The following MARCHF1 variants were observed in gnomAD, a reference collection of about 807,000 sequenced individuals.
MARCHF1 encodes the protein membrane associated ring-CH-type finger 1, also known as E3 ubiquitin-protein ligase MARCHF1.
Under a neutral mutation model 54.2 loss-of-function variants are expected in MARCHF1, and 40 were observed. The ratio of observed to expected loss-of-function variants is 0.74; its 90% CI spans 0.57 to 0.96. The LOEUF (loss-of-function observed/expected upper bound fraction) is 0.96, where lower values mean the gene tolerates loss of function less well. Ranked by LOEUF, MARCHF1 falls within the 40% of genes least tolerant of loss-of-function variation. The probability of loss-of-function intolerance (pLI) is 0.00; values close to 1 mark genes in which losing one functional copy is unlikely to be tolerated. For missense variants in MARCHF1, 586 were observed against 656.5 expected (o/e 0.89, Z 1.17); for synonymous variants, 236 against 236.3 (o/e 1.00, Z 0.01).
At chr4:163,889,870 CAATAATA>C (rs768730492) in intron 3 of MARCHF1, among the ~76,000 whole-genome samples, 5 of 149,302 alleles carry the variant, frequency 3.3e-5, no homozygotes, top group Non-Finnish European at 7.4e-5. Context: ...AAAAAAATCT[CAATAATA>C]AATGCACATA....
intron 1 of MARCHF1, among the ~76,000 whole-genome samples, chr4:164,179,630 G>A (rs986422841): frequency 1.3e-5 from 2 of 152,014 alleles, no homozygotes; most frequent in African/African-American, 4.8e-5. Flanking sequence ...TATAGAGGCT[G>A]TAAAGGGCAC....
At chr4:163,734,954 G>T (rs114119443) in intron 4 of MARCHF1, among the ~76,000 whole-genome samples, 2 of 152,178 alleles carry the variant, frequency 1.3e-5, no homozygotes, top group East Asian at 1.9e-4. Context: ...TGAGTTCAAA[G>T]GTTCTACATG....
At chr4:163,720,616 G>C (rs549961289) in intron 4 of MARCHF1, among the ~76,000 whole-genome samples, 7 of 152,226 alleles carry the variant, frequency 4.6e-5, no homozygotes, top group African/African-American at 1.7e-4. Context: ...AATTACCTTG[G>C]GCAGTATGGC....
At chr4:163,979,253 G>A (rs1196213479) in intron 3 of MARCHF1, among the ~76,000 whole-genome samples, 1 of 109,580 alleles carries the variant, frequency 9.1e-6, no homozygotes, top group Non-Finnish European at 1.7e-5. Context: ...TCCCACCTAT[G>A]AGTGAGAATA....
intron 5 of MARCHF1, among the ~76,000 whole-genome samples, chr4:163,677,461 G>A (rs751434464): frequency 2.0e-5 from 3 of 152,116 alleles, no homozygotes; most frequent in Non-Finnish European, 4.4e-5. Flanking sequence ...AGTGTACTGA[G>A]TTTACTGTCC....
chr4:164,137,364 GATA>G (rs1756423953), intron 1 of MARCHF1, among the ~76,000 whole-genome samples: 1 of 152,066 alleles, frequency 6.6e-6, no homozygotes, highest in African/African-American at 2.4e-5. Flanking sequence ...AAATAATTAT[GATA>G]ATATATTTCT....
At position 163,581,562 on chromosome 4, in the gene MARCHF1, C is replaced by T. The variant is rs192951052; in HGVS notation, c.1191+4187G>A. Among the ~76,000 whole-genome samples, 223 of 152,254 alleles carry T rather than the reference C, an allele frequency of 1.5e-3. 1 individual carries two copies. Among genetic ancestry groups the T allele is most frequent in the African/African-American group, 5.0e-3 (209 of 41,550 alleles). ...CAAATAATCAATAACAAGTTTGGGG[C>T]AGTTAACCTGCTATGGTAACTTGTA... On this transcript the variant is annotated intron_variant, in intron 8 of 9. Transcript: ENST00000514618.
chr4:164,074,754 C>T (rs550939597), intron 2 of MARCHF1, among the ~76,000 whole-genome samples: 2 of 151,722 alleles, frequency 1.3e-5, no homozygotes, highest in Non-Finnish European at 2.9e-5. Flanking sequence ...AGTTTTAAAT[C>T]GATCTTTAGT....
chr4:164,376,859 A>G (rs1292678009), intron 1 of MARCHF1, among the ~76,000 whole-genome samples: 2 of 152,346 alleles, frequency 1.3e-5, no homozygotes, highest in African/African-American at 2.4e-5. Flanking sequence ...CAGAGCCAGA[A>G]ACAGATGTGA....
intron 3 of MARCHF1, among the ~76,000 whole-genome samples, chr4:163,926,658 A>T (rs1045492770): frequency 2.0e-5 from 3 of 151,722 alleles, no homozygotes; most frequent in African/African-American, 7.2e-5. Context: ...CAGTAATTTT[A>T]AAAATGTCAT....
rs1738244473 is a variant in MARCHF1, at chr4:163,528,903, G to T, written c.1483C>A (p.Gln495Lys). The T allele has an allele frequency of 6.2e-7, 1 of 1,613,318 alleles. No homozygotes were observed. The highest frequency in any genetic ancestry group is 8.5e-7 in the Non-Finnish European group (1 of 1,179,564). The change falls in exon 10 of 10, where the codon CAA becomes AAA. Residue 495 changes from glutamine (Q) to lysine (K), a missense_variant. By Grantham distance (53) the Gln-to-Lys change is moderately conservative. Transcript: ENST00000514618. Reference sequence around the variant, plus strand: ...TTTTTGGCAGTGTCTGGGCAATTTTGTACAAAGATCACACGGTTGTAGGCC... The same window carrying T: ...TTTTTGGCAGTGTCTGGGCAATTTTTTACAAAGATCACACGGTTGTAGGCC... ...LKAYNRVIFV[Q>K]NCPDTAKKLE...
At chr4:164,140,974 T>C (rs1021535758) in intron 1 of MARCHF1, among the ~76,000 whole-genome samples, 3 of 152,192 alleles carry the variant, frequency 2.0e-5, no homozygotes, top group Non-Finnish European at 4.4e-5. Flanking sequence ...TGGAAACCTA[T>C]TTGCTACCCC....
chr4:164,348,804 T>C (rs181742364), intron 1 of MARCHF1, among the ~76,000 whole-genome samples: 1 of 152,254 alleles, frequency 6.6e-6, no homozygotes. Context: ...GGTCAGTTCA[T>C]CCATACACAC....
chr4:163,834,283 A>G (rs897672189), intron 4 of MARCHF1, among the ~76,000 whole-genome samples: 1 of 152,076 alleles, frequency 6.6e-6, no homozygotes, highest in African/African-American at 2.4e-5. Context: ...ACCTGCCAAA[A>G]AAAAAAAACA....
intron 4 of MARCHF1, among the ~76,000 whole-genome samples, chr4:163,839,876 A>G (rs1471155534): frequency 1.3e-5 from 2 of 152,144 alleles, no homozygotes; most frequent in Admixed American, 1.3e-4. Context: ...TATGTAAAAT[A>G]TATCTCACTT....
chr4:163,900,648 T>TG (rs1352024139), intron 3 of MARCHF1, among the ~76,000 whole-genome samples: 1 of 152,130 alleles, frequency 6.6e-6, no homozygotes, highest in Non-Finnish European at 1.5e-5. Context: ...TAAGGATTGT[T>TG]GTGTGATATC....
chr4:163,853,488 C>T (rs181080267), intron 4 of MARCHF1, among the ~76,000 whole-genome samples: 2 of 152,210 alleles, frequency 1.3e-5, no homozygotes, highest in African/African-American at 4.8e-5. Context: ...TTAAACTTAT[C>T]GCAGAAAACA....
intron 1 of MARCHF1, chr4:164,190,344 T>G (rs1360273261): frequency 4.7e-6 from 3 of 640,088 alleles, no homozygotes; most frequent in African/African-American, 1.8e-5. Context: ...TAGACACAGA[T>G]CTGCTACTGC....
chr4:164,316,569 T>C (rs941509375), intron 1 of MARCHF1, among the ~76,000 whole-genome samples: 2 of 152,066 alleles, frequency 1.3e-5, no homozygotes, highest in Admixed American at 1.3e-4. Flanking sequence ...CCAAATCCTA[T>C]ACTTATCCAC....
Sources: gnomAD v4.1 joint callset for allele counts (sites outside exome capture counted in the v4.1 genomes callset) on GRCh38, gnomAD v4.1.1 for gene constraint, MANE v1.5 for transcripts, NCBI Gene and HGNC (gene_info 2026-07-23, HGNC 2026-07-21) for gene names.